SYTL5: variants seen among roughly 807,000 people sequenced by gnomAD.
The protein encoded by SYTL5 is synaptotagmin-like protein 5.
A neutral mutation model predicts 55.9 loss-of-function variants in SYTL5; 34 were observed. The ratio of observed to expected loss-of-function variants is 0.61; its 90% CI spans 0.46 to 0.81. The LOEUF (loss-of-function observed/expected upper bound fraction) is 0.81. SYTL5 is among the 30% of genes least tolerant of loss of function. SYTL5 has a pLI of 0.00. For missense variants in SYTL5, 637 were observed against 546.7 expected (o/e 1.17, Z -1.65); for synonymous variants, 221 against 188.7 (o/e 1.17, Z -1.40).
In SYTL5 at chrX:38,073,637, A is replaced by G. The variant is rs759731736; in HGVS notation, c.493A>G (p.Lys165Glu). The G allele has an allele frequency of 4.2e-6, 5 of 1,198,538 alleles. No homozygotes were observed. In the East Asian group the frequency reaches 1.5e-4, roughly 36 times the overall value. Residue 165 changes from lysine (K) to glutamate (E), a missense_variant, in exon 5 of 17, where the codon AAG becomes GAG. Transcript: ENST00000297875. The part of the protein sequence containing the change: ...SQEQTRQDAE[K>E]SDTSPVAGKK... The stretch of plus-strand genomic sequence containing the variant: ...AGAGCAAACCCGCCAGGATGCAGAA[A>G]AGTCAGACACTTCACCTGTTGCTGG...
the SYTL5 span, among the ~76,000 whole-genome samples, chrX:37,903,334 A>G: frequency 1.9e-5 from 2 of 106,425 alleles, no homozygotes; most frequent in South Asian, 8.6e-4. Context: ...GATTAAGAAA[A>G]TGTGGCACAT....
At position 38,054,265 on chromosome X, in the gene SYTL5, C is replaced by G; in HGVS notation, c.172C>G (p.Gln58Glu). 8.3e-7 allele frequency: 1 copy of G among 1,211,009 alleles called. No individual in the cohort carries two copies. Among genetic ancestry groups the G allele is most frequent in the Non-Finnish European group, 1.1e-6 (1 of 895,270 alleles). ...EAKRRSGKTQQEASRVCVHCH... is the reference protein window; with the variant it reads ...EAKRRSGKTQEEASRVCVHCH... Reference sequence around the variant, plus strand: ...AAAACGTAGAAGTGGGAAAACTCAACAAGAGGCCAGCAGAGTTTGTGTTCA... The same window carrying G: ...AAAACGTAGAAGTGGGAAAACTCAAGAAGAGGCCAGCAGAGTTTGTGTTCA... The change falls in exon 3 of 17, where the codon CAA (glutamine) becomes GAA (glutamate). Residue 58 changes from glutamine (Q) to glutamate (E), a missense_variant. By Grantham distance (29) the Gln-to-Glu change is conservative. Transcript: ENST00000297875.
intron 6 of SYTL5, among the ~76,000 whole-genome samples, chrX:38,077,688 A>G (rs1174975156): frequency 8.9e-6 from 1 of 111,984 alleles, no homozygotes; most frequent in African/African-American, 3.2e-5. Flanking sequence ...GGAAGCGTAA[A>G]GTCATTTATC....
At chrX:37,967,334 G>A in the SYTL5 span, among the ~76,000 whole-genome samples, 1 of 111,628 alleles carries the variant, frequency 9.0e-6, no homozygotes, top group Non-Finnish European at 1.9e-5. Flanking sequence ...TTACAGGCGT[G>A]AGCCACCATG....
intron 3 of SYTL5, among the ~76,000 whole-genome samples, 157 bp from the exon 4 acceptor site, chrX:38,071,890 C>T (rs1298870965): frequency 8.9e-6 from 1 of 112,156 alleles, no homozygotes; most frequent in Non-Finnish European, 1.9e-5. Context: ...AGTAAACATT[C>T]AATTAATACT....
At chrX:38,025,786 G>A (rs745550167) in intron 1 of SYTL5, among the ~76,000 whole-genome samples, 3 of 112,356 alleles carry the variant, frequency 2.7e-5, no homozygotes, top group Non-Finnish European at 5.6e-5. Flanking sequence ...TTCTCCAGGT[G>A]AGGTATGAAA....
At chrX:37,929,954 G>A in the SYTL5 span, among the ~76,000 whole-genome samples, 1 of 112,031 alleles carries the variant, frequency 8.9e-6, no homozygotes, top group African/African-American at 3.2e-5. Context: ...TTGGAATTCG[G>A]GGTCGACTTC....
In SYTL5 at chrX:38,077,024, G is replaced by GA. The variant is rs1157501090; in HGVS notation, c.689+330dup. On this transcript the variant is annotated intron_variant, in intron 6 of 16. Transcript: ENST00000297875. ...TTGAGCTTTTTCTATTTAAGCTCCT[G>GA]AAAAAAAGAAACCTCTGAGTGTCAA... is the stretch of plus-strand genomic sequence containing the variant. Among the ~76,000 whole-genome samples, 3 of 111,443 alleles carry GA rather than the reference G, an allele frequency of 2.7e-5. No individual in the cohort carries two copies. In the South Asian group the frequency reaches 1.1e-3, roughly 42 times the overall value.
the SYTL5 span, among the ~76,000 whole-genome samples, chrX:37,997,324 C>A: frequency 1.8e-5 from 2 of 112,254 alleles, no homozygotes; most frequent in Admixed American, 1.9e-4. Flanking sequence ...GCTGCCCGAG[C>A]GGTGGTTGTG....
the SYTL5 span, chrX:37,949,411 T>C: frequency 8.9e-6 from 1 of 111,982 alleles, no homozygotes; most frequent in Non-Finnish European, 1.9e-5. Flanking sequence ...TTGAGGTACC[T>C]CCAATGGTTT....
intron 1 of SYTL5, among the ~76,000 whole-genome samples, chrX:38,032,012 CTG>C (rs1385120803): frequency 8.9e-6 from 1 of 111,869 alleles, no homozygotes; most frequent in Non-Finnish European, 1.9e-5. Flanking sequence ...TTGGTGTACA[CTG>C]TATAGAACAA....
chrX:38,017,390 G>A (rs1362785493), intron 1 of SYTL5, among the ~76,000 whole-genome samples: 16 of 111,721 alleles, frequency 1.4e-4, no homozygotes, highest in Non-Finnish European at 5.6e-5. Context: ...GATACTTCTT[G>A]CAGCTGGAGG....
intron 1 of SYTL5, among the ~76,000 whole-genome samples, chrX:38,020,464 A>G (rs2147137199): frequency 1.2e-5 from 1 of 86,092 alleles, no homozygotes; most frequent in Non-Finnish European, 2.2e-5. Flanking sequence ...TTTTAATATA[A>G]TTGGGACCAT....
intron 12 of SYTL5, among the ~76,000 whole-genome samples, chrX:38,109,174 G>A: frequency 2.7e-5 from 3 of 112,356 alleles, no homozygotes; most frequent in Middle Eastern, 9.1e-3. Flanking sequence ...TAGTGGAAAT[G>A]CAGAGCCAGA....
chrX:37,971,930 A>G, the SYTL5 span, among the ~76,000 whole-genome samples: 1,799 of 109,581 alleles, frequency 0.016, 17 homozygotes, highest in South Asian at 0.053. Context: ...GTTTGTCACC[A>G]CTGAGTGTTT....
intron 2 of SYTL5, among the ~76,000 whole-genome samples, chrX:38,037,407 T>C (rs1406120219): frequency 8.9e-6 from 1 of 112,168 alleles, no homozygotes; most frequent in African/African-American, 3.2e-5. Flanking sequence ...GAAAACCCAG[T>C]CTGAGACACT....
the SYTL5 span, among the ~76,000 whole-genome samples, chrX:37,907,790 C>T: frequency 8.9e-6 from 1 of 112,410 alleles, no homozygotes; most frequent in Non-Finnish European, 1.9e-5. Flanking sequence ...TTCAATGGTA[C>T]TCAAAGTGTG....
chrX:38,088,481 T>G (rs1018826998), intron 6 of SYTL5, among the ~76,000 whole-genome samples: 5 of 111,891 alleles, frequency 4.5e-5, no homozygotes, highest in Non-Finnish European at 9.4e-5. Context: ...AAGAATAAAA[T>G]GGGAACAAAC....
At chrX:38,030,542 T>C (rs1282836518) in intron 1 of SYTL5, among the ~76,000 whole-genome samples, 2 of 112,268 alleles carry the variant, frequency 1.8e-5, no homozygotes, top group Non-Finnish European at 3.7e-5. Context: ...CCAATATTCC[T>C]GTCTTCTGAA....
Sources: gnomAD v4.1 joint callset for allele counts (sites outside exome capture counted in the v4.1 genomes callset) on GRCh38, gnomAD v4.1.1 for gene constraint, MANE v1.5 for transcripts, NCBI Gene and HGNC (gene_info 2026-07-23, HGNC 2026-07-21) for gene names.